The following RNF31 variants were observed in gnomAD, a reference collection of about 807,000 sequenced individuals.
The protein encoded by RNF31 is E3 ubiquitin-protein ligase RNF31.
In RNF31, 38 loss-of-function variants were observed where a neutral mutation model predicts 133.6. The observed-to-expected ratio is 0.28, with a 90% CI of 0.22 to 0.37. The LOEUF is 0.37. Ranked by LOEUF, RNF31 falls within the 10% of genes least tolerant of loss-of-function variation. The pLI, the probability that RNF31 is intolerant of heterozygous loss-of-function variation, is 1.00. For synonymous variants in RNF31, 582 were observed against 552.3 expected (o/e 1.05, Z -0.75); for missense variants, 1,118 against 1,394.1 (o/e 0.80, Z 3.15).
At chr14:24,154,982 G>T (rs11622031) in intron 11 of RNF31, 175 bp from the exon 12 acceptor site, 2 of 611,140 alleles carry the variant, frequency 3.3e-6, no homozygotes, top group Non-Finnish European at 5.7e-6. Flanking sequence ...TCCTCCACCC[G>T]ACTGTCTTCA....
Position 24,149,580 on chromosome 14 carries a change from C to T in RNF31, c.806C>T (p.Pro269Leu). The T allele has an allele frequency of 6.2e-7, 1 of 1,612,432 alleles. No homozygotes were observed. Among genetic ancestry groups the T allele is most frequent in the South Asian group, 1.1e-5 (1 of 91,020 alleles). ...GTCCTGCAGGGTACCCACCTGAGCC[C>T]CAGGTGAGAGGGCTTCTCTTCTGGG... ...PGVLQGTHLS[P>L]SLPASAQPRP... Residue 269 changes from proline to leucine, a missense_variant, in exon 6 of 21, where the codon CCC (proline) becomes CTC (leucine). Around this residue, in one of 3 missense-constraint regions of RNF31, gnomAD observed 747 missense variants for 827.9 expected, o/e 0.90. Transcript: ENST00000324103.
At chr14:24,149,613 G>A in intron 6 of RNF31, 30 bp downstream of exon 6, 4 of 1,589,604 alleles carry the variant, frequency 2.5e-6, no homozygotes, top group Admixed American at 1.8e-5. Flanking sequence ...GGGTGGGAGT[G>A]AAATTTAGAG....
rs373396613 is a variant in RNF31 at position 24,160,490 on chromosome 14, A to G, written c.3166-30A>G. The G allele has an allele frequency of 4.5e-4, 701 of 1,568,166 alleles. 1 individual carries two copies. The highest frequency in any genetic ancestry group is 5.7e-4 in the Non-Finnish European group (653 of 1,152,796). On this transcript the variant is annotated intron_variant, in intron 20 of 20. Transcript: ENST00000324103. This position sits in a 1 kb window ranked among gnomAD's most constrained non-coding sequence, Gnocchi z 4.0. Reference sequence around the variant, plus strand: ...GACTGTGTCTGAGCTCCAGGCTTCCAATATCATTACCTTCTCTCTCCTTCT... The same window carrying G: ...GACTGTGTCTGAGCTCCAGGCTTCCGATATCATTACCTTCTCTCTCCTTCT...
chr14:24,149,202 A>G (rs2038226040), intron 5 of RNF31: 1 of 609,832 alleles, frequency 1.6e-6, no homozygotes, highest in African/African-American at 1.9e-5. Context: ...ACCTCAAGTG[A>G]TCCACCCACC....
chr14:24,158,119 A>C (rs955577163), intron 17 of RNF31, 23 bp from the exon 18 acceptor site: 1 of 1,613,910 alleles, frequency 6.2e-7, no homozygotes, highest in African/African-American at 1.3e-5. Flanking sequence ...GGAATGTAAC[A>C]CCCATCTGTC....
chr14:24,155,094 C>A lies in RNF31; in HGVS notation c.2131-63C>A. The A allele has an allele frequency of 6.5e-7, 1 of 1,535,138 alleles. No homozygotes were observed. Among genetic ancestry groups the A allele is most frequent in the South Asian group, 1.2e-5 (1 of 85,788 alleles). ...TTTCTTAGTGGACACCTGGCCACTG[C>A]CTCTTCCCTAGCCTGGCAGCTGTGG... On this transcript the variant is annotated intron_variant, in intron 11 of 20. Transcript: ENST00000324103. The surrounding 1 kb of genome is among the most constrained non-coding windows in gnomAD (Gnocchi z 4.9).
rs2038429426 is a variant in RNF31, at chr14:24,160,431, C to A, written c.3165+24C>A. 3.7e-6 allele frequency: 6 copies of A among 1,609,286 alleles called. No homozygotes were observed. Among genetic ancestry groups the A allele is most frequent in the Non-Finnish European group, 5.1e-6 (6 of 1,176,486 alleles). ...AGGTATAGCCTCCACCCAGCCTCAT[C>A]TCTTAACCCACCCTACAGAAGTCAC... is the stretch of plus-strand genomic sequence containing the variant. On this transcript the variant is annotated intron_variant, in intron 20 of 20. Coordinates refer to ENST00000324103, the MANE Select transcript of RNF31 (RefSeq NM_017999.5). The surrounding 1 kb of genome is among the most constrained non-coding windows in gnomAD (Gnocchi z 4.0).
In RNF31 at chr14:24,151,355, G is replaced by A. The variant is rs2139081029; in HGVS notation, c.1713G>A (p.Glu571=). ...GCAACCTTGATGAAGCTGTGGAGGA[G>A]TGTGTGAGGACCAGGCGAAGGAAGG... ...RHGNLDEAVE[E]CVRTRRRKVQ... is the part of the protein sequence containing the mutation. Residue 571 remains glutamate (E), a synonymous_variant, in exon 9 of 21, where the codon GAG becomes GAA. Transcript: ENST00000324103. The surrounding 1 kb of genome is among the most constrained non-coding windows in gnomAD (Gnocchi z 5.3). 1.2e-5 allele frequency: 20 copies of A among 1,614,240 alleles called. No homozygotes were observed. Among genetic ancestry groups the A allele is most frequent in the Non-Finnish European group, 1.6e-5 (19 of 1,180,048 alleles).
rs374082703 is a variant in RNF31 at position 24,151,843 on chromosome 14, C to T, written c.1981C>T (p.Leu661=). ...YALPSWGRAE[L]ALSLLQETPR... is the part of the protein sequence containing the mutation. The stretch of plus-strand genomic sequence containing the variant: ...ACTCCCCAGCTGGGGCCGGGCAGAG[C>T]TGGCACTGTCACTGCTGCAGGAGAC... Residue 661 remains leucine, a synonymous_variant, in exon 11 of 21, where the codon CTG becomes TTG. Transcript: ENST00000324103. The surrounding 1 kb of genome is among the most constrained non-coding windows in gnomAD (Gnocchi z 5.3). 6.2e-6 allele frequency: 10 copies of T among 1,613,926 alleles called. No homozygotes were observed. Among genetic ancestry groups the T allele is most frequent in the Non-Finnish European group, 8.5e-7 (1 of 1,179,990 alleles).
At chr14:24,152,072 G>GA (rs1462240586) in intron 11 of RNF31, 80 bp downstream of exon 11, 2 of 1,405,954 alleles carry the variant, frequency 1.4e-6, no homozygotes, top group Admixed American at 2.1e-5. Flanking sequence ...CTCCATCTCT[G>GA]ATCCTGTCTT....
Position 24,155,519 on chromosome 14 carries a change from G to T in RNF31, c.2403+7G>T. 2 of 1,614,118 alleles carry T rather than the reference G, an allele frequency of 1.2e-6. No homozygotes were observed. Among genetic ancestry groups the T allele is most frequent in the Non-Finnish European group, 1.7e-6 (2 of 1,179,966 alleles). ...GTTCTTGTGGTGTGCCCAGGTAAGT[G>T]GCCTGCCCAGGGCAGCTACTGTGGA... On this transcript the variant is annotated splice_region_variant and intron_variant, in intron 13 of 20. Transcript: ENST00000324103. The surrounding 1 kb of genome is among the most constrained non-coding windows in gnomAD (Gnocchi z 4.9).
In RNF31 at chr14:24,148,004, CG is replaced by C; in HGVS notation, c.223del (p.Ala75LeufsTer2). ...EPRNYLNTLS[T>X]ALNILEKYGR... is the part of the protein sequence containing the mutation. The stretch of plus-strand genomic sequence containing the variant: ...CGAAACTACCTCAACACCCTGTCCA[CG>C]GCTCTGAACATCCTGGAGAAATACG... On this transcript the variant is annotated frameshift_variant, in exon 2 of 21. Transcript: ENST00000324103. LOFTEE classifies it high-confidence loss of function. The C allele has an allele frequency of 1.2e-6, 2 of 1,614,244 alleles. No individual in the cohort carries two copies. The highest frequency in any genetic ancestry group is 1.7e-6 in the Non-Finnish European group (2 of 1,180,032).
rs550284179 is a variant in RNF31, at chr14:24,157,760, T to C, written c.2727+122T>C. 266 of 1,095,478 alleles carry C rather than the reference T, an allele frequency of 2.4e-4. 3 individuals are homozygous for C. The South Asian group carries it at 3.4e-3, about 14-fold the overall frequency. 67.9% of individuals were successfully genotyped at this position (1,095,478 alleles called of 1,614,324 possible). A position where few individuals can be genotyped will look rare whatever the true frequency, so the allele number is the denominator to read the frequency against. The stretch of plus-strand genomic sequence containing the variant: ...AGGTCAACGGGATGTAAAGCACAAC[T>C]CTCTGTCCCCTTACCCTTTGCTTGC... On this transcript the variant is annotated intron_variant, in intron 16 of 20. Coordinates refer to ENST00000324103, the MANE Select transcript of RNF31 (RefSeq NM_017999.5).
Position 24,147,724 on chromosome 14 carries a change from C to A in RNF31, c.26C>A (p.Ala9Asp). MPGEEEER[A>D]FLVAREELAS... ...ATGCCGGGGGAGGAAGAGGAGCGGG[C>A]CTTCCTGGTGGCCCGCGAGGAGCTG... Residue 9 changes from alanine (A) to aspartate (D), a missense_variant, in exon 1 of 21, where the codon GCC becomes GAC. Around this residue, in one of 3 missense-constraint regions of RNF31, gnomAD observed 747 missense variants for 827.9 expected, o/e 0.90. Transcript: ENST00000324103. 6.5e-7 allele frequency: 1 copy of A among 1,543,620 alleles called. No homozygotes were observed. The highest frequency in any genetic ancestry group is 8.7e-7 in the Non-Finnish European group (1 of 1,150,374).
At position 24,150,858 on chromosome 14, in the gene RNF31, A is replaced by C. The variant is rs777712530; in HGVS notation, c.1458A>C (p.Glu486Asp). 6 of 1,566,536 alleles carry C rather than the reference A, an allele frequency of 3.8e-6. 1 individual carries two copies. The highest frequency in any genetic ancestry group is 3.6e-5 in the South Asian group (3 of 83,292). Residue 486 changes from glutamate (E) to aspartate (D), a missense_variant, in exon 8 of 21, where the codon GAA becomes GAC. Glu to Asp is a conservative substitution (Grantham distance 45). This residue lies in a region of RNF31 where 747 missense variants were observed against 827.9 expected (regional missense o/e 0.90). Coordinates refer to ENST00000324103, the MANE Select transcript of RNF31 (RefSeq NM_017999.5). ...PEKQRQDKMREEGLQLVSMIR... is the reference protein window; with the variant it reads ...PEKQRQDKMRDEGLQLVSMIR... ...AGCAGCGCCAAGACAAGATGCGGGA[A>C]GAAGGCCTCCAGCTAGTGAGCATGA...
intron 11 of RNF31, among the ~76,000 whole-genome samples, chr14:24,152,769 C>A (rs2139083554): frequency 6.6e-6 from 1 of 152,342 alleles, no homozygotes; most frequent in South Asian, 2.1e-4. Context: ...TTCCTATAAA[C>A]TGGATATTTG....
At position 24,150,467 on chromosome 14, in the gene RNF31, T is replaced by A. The variant is rs1280346114; in HGVS notation, c.1197+19T>A. ...CCTTCAGGTAACTGGCCTTCCCAGC[T>A]CTTTATCGTGTGTTACCTCAGGCAT... On this transcript the variant is annotated intron_variant, in intron 7 of 20. Coordinates refer to ENST00000324103, the MANE Select transcript of RNF31 (RefSeq NM_017999.5). The A allele has an allele frequency of 1.3e-6, 2 of 1,598,402 alleles. No individual in the cohort carries two copies. The highest frequency in any genetic ancestry group is 4.5e-5 in the East Asian group (2 of 44,618).
intron 5 of RNF31, 184 bp from the exon 6 acceptor site, chr14:24,149,222 C>A: frequency 1.5e-6 from 1 of 652,608 alleles, no homozygotes; most frequent in Non-Finnish European, 2.6e-6. Flanking sequence ...CTCAGCCTCC[C>A]AAAGTGCTAA....
chr14:24,157,721 C>G (rs147980146), intron 16 of RNF31, 83 bp downstream of exon 16: 1 of 1,289,520 alleles, frequency 7.8e-7, no homozygotes, highest in South Asian at 1.2e-5. Flanking sequence ...AGGAGTGGCC[C>G]CGGGGAAGAG....
Sources: gnomAD v4.1 joint callset for allele counts (sites outside exome capture counted in the v4.1 genomes callset) on GRCh38, gnomAD v4.1.1 for gene constraint, gnomAD v4.1.1 regional missense constraint, Gnocchi (gnomAD v3.1) non-coding constraint, MANE v1.5 for transcripts, NCBI Gene and HGNC (gene_info 2026-07-23, HGNC 2026-07-21) for gene names.